LAMA1: variants seen among roughly 807,000 people sequenced by gnomAD.
The protein encoded by LAMA1 is laminin subunit alpha 1, also known as laminin subunit alpha-1.
LAMA1 carries 219 observed loss-of-function variants against 348.7 expected under a neutral mutation model. The ratio of observed to expected loss-of-function variants is 0.63; its 90% CI spans 0.56 to 0.70. The LOEUF is 0.70. LAMA1 is among the 30% of genes least tolerant of loss of function. The pLI, the probability that LAMA1 is intolerant of heterozygous loss-of-function variation, is 0.00. For synonymous variants in LAMA1, 1,487 were observed against 1,491.0 expected, an observed-to-expected ratio of 1.00 and a Z score of 0.06; for missense variants, 3,744 against 3,888.0, an observed-to-expected ratio of 0.96 and a Z score of 0.99.
chr18:6,957,750 C>G (rs956874637), intron 55 of LAMA1, among the ~76,000 whole-genome samples: 13 of 152,036 alleles, frequency 8.6e-5, no homozygotes, highest in East Asian at 1.9e-4. Flanking sequence ...TTTTCCTCAT[C>G]ATGAGCTCCA....
intron 33 of LAMA1, among the ~76,000 whole-genome samples, chr18:6,997,361 T>C (rs1173235801): frequency 1.3e-5 from 2 of 152,210 alleles, no homozygotes; most frequent in Admixed American, 6.5e-5. Flanking sequence ...TGAGCCACCG[T>C]GCCTGGCCTA....
intron 5 of LAMA1, among the ~76,000 whole-genome samples, chr18:7,047,012 A>T (rs1342581069): frequency 6.6e-6 from 1 of 151,436 alleles, no homozygotes; most frequent in African/African-American, 2.4e-5. Flanking sequence ...TACAAATAAT[A>T]ACAGTTTAGT....
In LAMA1 at chr18:7,038,178, A is replaced by G. The variant is rs190166668; in HGVS notation, c.1564-427T>C. Among the ~76,000 whole-genome samples the G allele has an allele frequency of 5.2e-3, 794 of 152,284 alleles. 4 individuals are homozygous for G. Among genetic ancestry groups the G allele is most frequent in the Middle Eastern group, 0.01 (3 of 294 alleles). On this transcript the variant is annotated intron_variant, in intron 11 of 62. Transcript: ENST00000389658. Reference sequence around the variant, plus strand: ...CTAGATCTTATACTCCCAATGCGTCACCGACATAGAGGTGATGGTACTCCC... The same window carrying G: ...CTAGATCTTATACTCCCAATGCGTCGCCGACATAGAGGTGATGGTACTCCC...
At chr18:7,012,199 A>T (rs1452918888) in intron 23 of LAMA1, 61 bp from the exon 24 acceptor site, 1 of 1,540,814 alleles carries the variant, frequency 6.5e-7, no homozygotes, top group African/African-American at 1.4e-5. Context: ...TTTCTGAACA[A>T]ACAGAGACAA....
chr18:7,073,327 T>G, intron 3 of LAMA1, among the ~76,000 whole-genome samples: 1 of 152,170 alleles, frequency 6.6e-6, no homozygotes, highest in Non-Finnish European at 1.5e-5. Flanking sequence ...ATTAAGTATA[T>G]TCACACTGTT....
intron 57 of LAMA1, among the ~76,000 whole-genome samples, chr18:6,952,474 T>TG (rs1307614372): frequency 1.3e-5 from 2 of 152,014 alleles, no homozygotes; most frequent in African/African-American, 2.4e-5. Context: ...TGACGTCTCC[T>TG]GGGGGGTTCT....
rs759608641 is a variant in LAMA1, at chr18:7,033,019, C to T, written c.2128G>A (p.Glu710Lys). Residue 710 changes from glutamate to lysine, a missense_variant, in exon 15 of 63, where the codon GAA becomes AAA. Coordinates refer to ENST00000389658, the MANE Select transcript of LAMA1 (RefSeq NM_005559.4). ...LVVAADVEHC[E>K]CPQGYTGTSC... ...GTCCCTGTGTAGCCTTGCGGACATT[C>T]ACAGTGCTCCACATCAGCGGCCACC... 1 of 1,611,986 alleles carries T rather than the reference C, an allele frequency of 6.2e-7. No individual in the cohort carries two copies. The highest frequency in any genetic ancestry group is 1.3e-5 in the African/African-American group (1 of 74,966).
intron 28 of LAMA1, among the ~76,000 whole-genome samples, chr18:7,007,811 G>C (rs564249460): frequency 1.2e-4 from 19 of 152,298 alleles, no homozygotes; most frequent in African/African-American, 4.6e-4. Flanking sequence ...GCCTTAAAAA[G>C]GAGGGAAATT....
chr18:7,088,968 G>A (rs931263240), intron 1 of LAMA1, among the ~76,000 whole-genome samples: 5 of 152,028 alleles, frequency 3.3e-5, no homozygotes, highest in African/African-American at 7.2e-5. Context: ...TTTCGCCACC[G>A]CACTCCAGCC....
intron 14 of LAMA1, 25 bp downstream of exon 14, chr18:7,034,454 T>C (rs1489709994): frequency 4.4e-6 from 7 of 1,575,450 alleles, no homozygotes; most frequent in Non-Finnish European, 6.1e-6. Flanking sequence ...TCACCGTAAG[T>C]TTTTCCTCCA....
chr18:7,073,118 T>A (rs1002517528), intron 3 of LAMA1, among the ~76,000 whole-genome samples: 1 of 152,112 alleles, frequency 6.6e-6, no homozygotes, highest in Non-Finnish European at 1.5e-5. Context: ...CTCTCCCAGC[T>A]CTCCCACACT....
At chr18:7,098,824 GC>G in intron 1 of LAMA1, among the ~76,000 whole-genome samples, 1 of 93,426 alleles carries the variant, frequency 1.1e-5, no homozygotes, top group African/African-American at 4.1e-5. Flanking sequence ...CCCGGCCACC[GC>G]CCCGTCCGGG....
Position 6,999,644 on chromosome 18 carries a change from GA to G in LAMA1, c.4470-7del, listed in dbSNP as rs2057798783. 1 of 1,605,194 alleles carries G rather than the reference GA, an allele frequency of 6.2e-7. No individual in the cohort carries two copies. Among genetic ancestry groups the G allele is most frequent in the African/African-American group, 1.3e-5 (1 of 74,718 alleles). ...CATAATAGCTTGAGGAGCACCTACA[GA>G]AAGGAAGGGACATAGGTGCAGACAG... On this transcript the variant is annotated splice_polypyrimidine_tract_variant and splice_region_variant and intron_variant, in intron 31 of 62. Coordinates refer to ENST00000389658, the MANE Select transcript of LAMA1 (RefSeq NM_005559.4).
chr18:7,055,487 G>T (rs542047930), intron 3 of LAMA1, among the ~76,000 whole-genome samples: 1 of 148,278 alleles, frequency 6.7e-6, no homozygotes, highest in Non-Finnish European at 1.5e-5. Flanking sequence ...ATTTACCCAC[G>T]TACACACACA....
chr18:7,031,958 G>T, intron 16 of LAMA1, 108 bp downstream of exon 16: 1 of 804,490 alleles, frequency 1.2e-6, no homozygotes, highest in Non-Finnish European at 2.1e-6. Flanking sequence ...GGGTCTATGA[G>T]GCTAGGGTTA....
chr18:7,024,747 C>T (rs2057934854), intron 17 of LAMA1, among the ~76,000 whole-genome samples: 1 of 152,192 alleles, frequency 6.6e-6, no homozygotes, highest in African/African-American at 2.4e-5. Context: ...CGCTGTCTGC[C>T]TGGGTTAACC....
At chr18:7,003,792 T>C (rs2057819606) in intron 29 of LAMA1, among the ~76,000 whole-genome samples, 1 of 152,222 alleles carries the variant, frequency 6.6e-6, no homozygotes, top group South Asian at 2.1e-4. Context: ...GACATCTTGT[T>C]ACATGTTAAA....
At chr18:7,045,009 C>T (rs2058036286) in intron 6 of LAMA1, among the ~76,000 whole-genome samples, 170 bp from the exon 7 acceptor site, 1 of 152,108 alleles carries the variant, frequency 6.6e-6, no homozygotes, top group Admixed American at 6.5e-5. Context: ...CCAATATATA[C>T]AAATAACCTG....
intron 39 of LAMA1, among the ~76,000 whole-genome samples, chr18:6,984,827 C>A (rs1366406374): frequency 6.6e-6 from 1 of 152,142 alleles, no homozygotes; most frequent in African/African-American, 2.4e-5. Flanking sequence ...GCAGCCACAT[C>A]CTCCAACCAA....
Sources: allele counts gnomAD v4.1 joint callset (sites outside exome capture counted in the v4.1 genomes callset), GRCh38; gene constraint gnomAD v4.1.1; transcripts MANE v1.5; gene names NCBI Gene and HGNC (gene_info 2026-07-23, HGNC 2026-07-21).